Variants in LMF1 observed in about 807,000 individuals in gnomAD.
The protein encoded by LMF1 is lipase maturation factor 1, also known as transmembrane protein 112.
LMF1 carries 68 observed loss-of-function variants against 60.6 expected under a neutral mutation model. The ratio of observed to expected loss-of-function variants is 1.12; its 90% CI spans 0.92 to 1.37. The LOEUF (loss-of-function observed/expected upper bound fraction) is 1.37. Ranked by LOEUF, LMF1 falls within the 40% of genes most tolerant of loss-of-function variation. The pLI, the probability that LMF1 is intolerant of heterozygous loss-of-function variation, is 0.00. For missense variants in LMF1, 948 were observed against 767.2 expected (o/e 1.24, Z -2.78); for synonymous variants, 418 against 324.7 (o/e 1.29, Z -3.09).
chr16:942,521 T>C (rs374504132), intron 2 of LMF1, among the ~76,000 whole-genome samples: 10 of 141,888 alleles, frequency 7.0e-5, no homozygotes, highest in Non-Finnish European at 1.5e-4. Flanking sequence ...TTAGACCACC[T>C]GGTGCTATAT....
chr16:934,313 ACT>A, intron 2 of LMF1, 59 bp from the exon 3 acceptor site: 1 of 1,592,918 alleles, frequency 6.3e-7, no homozygotes, highest in Non-Finnish European at 8.5e-7. Context: ...CCAAAAACCC[ACT>A]GTTTCCCCAC....
chr16:869,666 C>G, intron 9 of LMF1: 1 of 655,848 alleles, frequency 1.5e-6, no homozygotes. Context: ...CCTGGCAGAC[C>G]CGGGGGGACG....
intron 2 of LMF1, among the ~76,000 whole-genome samples, chr16:952,419 G>T (rs1445280764): frequency 6.6e-6 from 1 of 152,030 alleles, no homozygotes; most frequent in Non-Finnish European, 1.5e-5. Context: ...TCCGACCAGG[G>T]AACACCGGAG....
intron 3 of LMF1, chr16:931,634 A>T (rs57517721): frequency 0.051 from 65,147 of 1,286,186 alleles, 2,839 homozygotes; most frequent in African/African-American, 0.22. Context: ...CAGCACCCGG[A>T]GTCATACCTC....
In LMF1 at chr16:866,972, A is replaced by G. The variant is rs2069626058; in HGVS notation, c.1529+1972T>C. ...CCTTCGGTCTTCCTGTTTTATGTAT[A>G]ACGTCCAGGGATCTTGGTTGCACTT... is the stretch of plus-strand genomic sequence containing the variant. On this transcript the variant is annotated intron_variant, in intron 10 of 10. Coordinates refer to ENST00000262301, the MANE Select transcript of LMF1 (RefSeq NM_022773.4). Among the ~76,000 whole-genome samples the G allele has an allele frequency of 2.0e-5, 3 of 152,092 alleles. No homozygotes were observed. The South Asian group carries it at 6.2e-4, about 32-fold the overall frequency.
chr16:936,712 A>G (rs2151790427), intron 2 of LMF1, among the ~76,000 whole-genome samples: 1 of 152,364 alleles, frequency 6.6e-6, no homozygotes, highest in East Asian at 1.9e-4. Flanking sequence ...TAATGCTAGA[A>G]ATAAATTTAC....
intron 10 of LMF1, among the ~76,000 whole-genome samples, chr16:857,907 T>C (rs868717208): frequency 3.1e-4 from 11 of 34,998 alleles, no homozygotes; most frequent in African/African-American, 4.2e-4. Context: ...TGTCTCGGGA[T>C]GGGTGTGCGT....
chr16:916,655 G>C (rs2071287569), intron 3 of LMF1, among the ~76,000 whole-genome samples: 1 of 152,158 alleles, frequency 6.6e-6, no homozygotes, highest in East Asian at 1.9e-4. Context: ...CCTTGTCTGT[G>C]ATCCGCCCAC....
chr16:914,074 G>A (rs538006334), intron 3 of LMF1, among the ~76,000 whole-genome samples: 1 of 152,248 alleles, frequency 6.6e-6, no homozygotes, highest in Non-Finnish European at 1.5e-5. Context: ...GGCCTGGGCG[G>A]CTGCAGCTAC....
chr16:868,119 G>A (rs774814405), intron 10 of LMF1, among the ~76,000 whole-genome samples: 1 of 152,218 alleles, frequency 6.6e-6, no homozygotes, highest in East Asian at 1.9e-4. Flanking sequence ...CAACCATGTG[G>A]GGCAGGGGAT....
chr16:871,025 C>A, intron 7 of LMF1, 136 bp downstream of exon 7: 1 of 1,397,650 alleles, frequency 7.2e-7, no homozygotes. Flanking sequence ...ACACCTTGTT[C>A]CTGGCACGCT....
intron 1 of LMF1, among the ~76,000 whole-genome samples, chr16:964,426 T>A (rs1329141302): frequency 2.0e-5 from 3 of 151,858 alleles, no homozygotes; most frequent in Non-Finnish European, 4.4e-5. Flanking sequence ...TTACTGGCCG[T>A]GGTTAAATTC....
intron 4 of LMF1, among the ~76,000 whole-genome samples, chr16:896,967 C>G (rs1299081827): frequency 6.6e-6 from 1 of 151,848 alleles, no homozygotes; most frequent in Non-Finnish European, 1.5e-5. Flanking sequence ...ACAAAGCCTT[C>G]TTTGAGGCTT....
intron 5 of LMF1, among the ~76,000 whole-genome samples, chr16:888,380 A>G (rs997294649): frequency 2.0e-5 from 3 of 152,230 alleles, no homozygotes; most frequent in African/African-American, 7.2e-5. Flanking sequence ...GCAATGGAGA[A>G]TTGTTTGCAA....
intron 1 of LMF1, among the ~76,000 whole-genome samples, chr16:956,212 A>G (rs1176693350): frequency 6.8e-6 from 1 of 147,514 alleles, no homozygotes. Context: ...CTCCGAGTTC[A>G]CGTCCCACGG....
intron 4 of LMF1, chr16:902,394 C>G (rs987802114): frequency 6.5e-6 from 1 of 153,018 alleles, no homozygotes; most frequent in African/African-American, 2.4e-5. Flanking sequence ...TGAGGGAACA[C>G]AGCGTCCCCC....
At chr16:866,268 A>G (rs2069606271) in intron 10 of LMF1, among the ~76,000 whole-genome samples, 2 of 152,182 alleles carry the variant, frequency 1.3e-5, no homozygotes, top group African/African-American at 2.4e-5. Context: ...TGGTAGAGAC[A>G]GGGGTATTAC....
At chr16:947,933 CAG>C (rs1199823964) in intron 2 of LMF1, among the ~76,000 whole-genome samples, 4 of 150,340 alleles carry the variant, frequency 2.7e-5, no homozygotes, top group Admixed American at 6.6e-5. Context: ...CAGCCAACGA[CAG>C]AGTCAGCCAA....
intron 5 of LMF1, among the ~76,000 whole-genome samples, chr16:880,428 T>C (rs1329498109): frequency 6.6e-6 from 1 of 152,188 alleles, no homozygotes; most frequent in East Asian, 1.9e-4. Flanking sequence ...TCCCAGCACT[T>C]TGGGAGGCCA....
Sources: allele counts gnomAD v4.1 joint callset (sites outside exome capture counted in the v4.1 genomes callset), GRCh38; gene constraint gnomAD v4.1.1; transcripts MANE v1.5; gene names NCBI Gene and HGNC (gene_info 2026-07-23, HGNC 2026-07-21).